The following DDX31 variants were observed in gnomAD, a reference collection of about 807,000 sequenced individuals.
DDX31 encodes ATP-dependent DNA helicase DDX31.
DDX31 carries 70 observed loss-of-function variants against 91.3 expected under a neutral mutation model. The ratio of observed to expected loss-of-function variants is 0.77; its 90% CI spans 0.63 to 0.94. DDX31 has a LOEUF of 0.94. DDX31 is among the 40% of genes least tolerant of loss of function. The pLI is 0.00. For synonymous variants in DDX31, 362 were observed against 350.6 expected (o/e 1.03, Z -0.36); for missense variants, 902 against 925.0 (o/e 0.98, Z 0.32).
chr9:132,597,684 C>T (rs915483382), intron 19 of DDX31, among the ~76,000 whole-genome samples: 1 of 152,176 alleles, frequency 6.6e-6, no homozygotes, highest in Non-Finnish European at 1.5e-5. Context: ...TCAGGCAGTG[C>T]GCCCGTGCTC....
chr9:132,657,060 T>C (rs772042684), intron 6 of DDX31, among the ~76,000 whole-genome samples: 2 of 152,218 alleles, frequency 1.3e-5, no homozygotes, highest in Non-Finnish European at 1.5e-5. Context: ...CAACTATTAC[T>C]TATGAAACTG....
intron 18 of DDX31, among the ~76,000 whole-genome samples, chr9:132,616,980 C>CT (rs1380939298): frequency 6.6e-6 from 1 of 152,202 alleles, no homozygotes; most frequent in Non-Finnish European, 1.5e-5. Flanking sequence ...CTCAGCCAGG[C>CT]TCCCAGCTTT....
At position 132,594,831 on chromosome 9, in the gene DDX31, G is replaced by A. The variant is rs753297952; in HGVS notation, c.*35C>T. On this transcript the variant is annotated 3_prime_UTR_variant, in exon 20 of 20. Coordinates refer to ENST00000372159, the MANE Select transcript of DDX31 (RefSeq NM_022779.9). The stretch of plus-strand genomic sequence containing the variant: ...TGGACATCAATCCACTGCCACCCGG[G>A]GCTTCCAGGTTCCACTCGAAGACCC... The A allele has an allele frequency of 6.2e-7, 1 of 1,604,810 alleles. No homozygotes were observed. Among genetic ancestry groups the A allele is most frequent in the South Asian group, 1.1e-5 (1 of 90,512 alleles).
rs1834101893 is a variant in DDX31, at chr9:132,650,257, C to T, written c.717G>A (p.Glu239=). The T allele has an allele frequency of 6.2e-7, 1 of 1,614,026 alleles. No individual in the cohort carries two copies. Among genetic ancestry groups the T allele is most frequent in the Admixed American group, 1.7e-5 (1 of 60,004 alleles). ...ACCTGGCCTTTTCTGATTTTCTCTT[C>T]TCTCCTCCCATTAACACTCCAGGCA... ...WIVPGVLMGG[E]KRKSEKARLR... is the part of the protein sequence containing the mutation. Residue 239 remains glutamate, a synonymous_variant, in exon 9 of 20, where the codon GAG becomes GAA. Coordinates refer to ENST00000372159, the MANE Select transcript of DDX31 (RefSeq NM_022779.9).
chr9:132,652,975 T>C (rs968256490), intron 6 of DDX31, among the ~76,000 whole-genome samples: 1 of 152,108 alleles, frequency 6.6e-6, no homozygotes, highest in African/African-American at 2.4e-5. Flanking sequence ...AGTGTAAAAA[T>C]GGACTAACAC....
intron 14 of DDX31, among the ~76,000 whole-genome samples, chr9:132,635,177 T>C (rs575530307): frequency 1.2e-4 from 18 of 152,264 alleles, no homozygotes; most frequent in South Asian, 8.3e-4. Context: ...GTCTGTCCTG[T>C]ATGGGTCCCT....
intron 18 of DDX31, among the ~76,000 whole-genome samples, chr9:132,616,999 C>T (rs1044451096): frequency 1.3e-5 from 2 of 152,188 alleles, no homozygotes; most frequent in Admixed American, 1.3e-4. Context: ...TTCACACTTG[C>T]CCCCGCTAGA....
chr9:132,615,909 T>G (rs1831597310), intron 18 of DDX31, among the ~76,000 whole-genome samples: 1 of 152,216 alleles, frequency 6.6e-6, no homozygotes, highest in Non-Finnish European at 1.5e-5. Context: ...TCTAACTAGT[T>G]TTCTGCCATC....
chr9:132,651,744 C>T (rs1015858065), intron 7 of DDX31, among the ~76,000 whole-genome samples: 2 of 152,140 alleles, frequency 1.3e-5, no homozygotes, highest in Non-Finnish European at 2.9e-5. Context: ...TCTTAAAGAA[C>T]GTATATACAG....
chr9:132,642,067 C>T lies in DDX31; in HGVS notation c.1381-4G>A. On this transcript the variant is annotated splice_polypyrimidine_tract_variant and splice_region_variant and intron_variant, in intron 13 of 19. Coordinates refer to ENST00000372159, the MANE Select transcript of DDX31 (RefSeq NM_022779.9). ...CCTGAAACACTGCTGTTCTTTCCTA[C>T]AAAAACAAGGAAAAATAGAGCCTTA... The T allele has an allele frequency of 1.9e-6, 3 of 1,614,032 alleles. No individual in the cohort carries two copies. The highest frequency in any genetic ancestry group is 2.5e-6 in the Non-Finnish European group (3 of 1,179,918).
intron 19 of DDX31, among the ~76,000 whole-genome samples, chr9:132,604,510 C>T (rs1218446717): frequency 6.6e-6 from 1 of 152,182 alleles, no homozygotes; most frequent in Non-Finnish European, 1.5e-5. Flanking sequence ...ATATATTCAG[C>T]AGCACCTTGC....
chr9:132,658,553 G>T, intron 6 of DDX31, 118 bp downstream of exon 6: 1 of 890,472 alleles, frequency 1.1e-6, no homozygotes, highest in Non-Finnish European at 1.8e-6. Context: ...ATTAAAAGGA[G>T]GTGAAAAAAA....
At chr9:132,665,947 A>G (rs1398449941) in intron 1 of DDX31, among the ~76,000 whole-genome samples, 1 of 152,234 alleles carries the variant, frequency 6.6e-6, no homozygotes, top group East Asian at 1.9e-4. Flanking sequence ...GAGGCCTCAC[A>G]ACAATACTAT....
chr9:132,650,396 A>G (rs1834113406), intron 8 of DDX31, 98 bp from the exon 9 acceptor site: 1 of 1,112,004 alleles, frequency 9.0e-7, no homozygotes, highest in South Asian at 1.3e-5. Context: ...GCATGGGAGA[A>G]AACTGGTGCT....
At chr9:132,656,639 T>C (rs903096216) in intron 6 of DDX31, among the ~76,000 whole-genome samples, 6 of 152,170 alleles carry the variant, frequency 3.9e-5, no homozygotes, top group African/African-American at 1.2e-4. Context: ...AGACCCAGGA[T>C]TGAGCACAGC....
chr9:132,638,512 T>C, intron 14 of DDX31: 1 of 1,116,896 alleles, frequency 9.0e-7, no homozygotes. Context: ...CTTGGCTTTT[T>C]CTTAGATCTA....
chr9:132,610,526 C>G (rs1265544947), intron 19 of DDX31, among the ~76,000 whole-genome samples: 7 of 152,140 alleles, frequency 4.6e-5, no homozygotes, highest in Non-Finnish European at 1.0e-4. Flanking sequence ...GGTGCCAAGT[C>G]CCCCAGAGAG....
intron 18 of DDX31, among the ~76,000 whole-genome samples, chr9:132,614,076 G>A (rs1831498839): frequency 6.6e-6 from 1 of 152,194 alleles, no homozygotes; most frequent in South Asian, 2.1e-4. Context: ...GGACTGGCAA[G>A]TTTGCCCACA....
At chr9:132,627,666 A>T (rs778173010) in intron 16 of DDX31, among the ~76,000 whole-genome samples, 1 of 152,266 alleles carries the variant, frequency 6.6e-6, no homozygotes, top group Non-Finnish European at 1.5e-5. Context: ...AAAAGAATGC[A>T]GAAGCAAAGT....
Sources: gnomAD v4.1 joint callset for allele counts (sites outside exome capture counted in the v4.1 genomes callset) on GRCh38, gnomAD v4.1.1 for gene constraint, MANE v1.5 for transcripts, NCBI Gene and HGNC (gene_info 2026-07-23, HGNC 2026-07-21) for gene names.